VMA22: variants seen among roughly 807,000 people sequenced by gnomAD.
VMA22 encodes the protein vacuolar ATPase assembly factor VMA22, also known as vacuolar ATPase assembly protein VMA22.
At chr2:130,341,231 T>C in the VMA22 span, 3 of 646,334 alleles carry the variant, frequency 4.6e-6, no homozygotes, top group Non-Finnish European at 7.8e-6. Context: ...ATGAGACTGT[T>C]TGTCCACTCT....
At chr2:130,339,966 C>T in the VMA22 span, 1 of 594,514 alleles carries the variant, frequency 1.7e-6, no homozygotes, top group Non-Finnish European at 2.5e-6. Context: ...CTCTCCCAAA[C>T]TCCAGATACA....
chr2:130,341,882 C>G, the VMA22 span: 1 of 1,582,976 alleles, frequency 6.3e-7, no homozygotes, highest in South Asian at 1.1e-5. Flanking sequence ...GGGAAGCATA[C>G]TGCAGGGGCC....
At chr2:130,341,013 T>TA in the VMA22 span, 1 of 1,612,142 alleles carries the variant, frequency 6.2e-7, no homozygotes, top group Non-Finnish European at 8.5e-7. Context: ...TCTGGGGTCT[T>TA]AGTGGGGCCC....
chr2:130,341,675 C>T, the VMA22 span: 5 of 1,611,084 alleles, frequency 3.1e-6, no homozygotes, highest in Non-Finnish European at 4.2e-6. Context: ...ACCTGCTTCG[C>T]GAGGCCCCAC....
the VMA22 span, chr2:130,341,744 G>T: frequency 1.2e-6 from 2 of 1,611,346 alleles, no homozygotes; most frequent in Non-Finnish European, 1.7e-6. Context: ...TCCCTCCTGG[G>T]CCTCGCTGAA....
the VMA22 span, chr2:130,339,004 G>A: frequency 1.4e-6 from 1 of 707,462 alleles, no homozygotes; most frequent in Non-Finnish European, 2.4e-6. Flanking sequence ...GACACAGAAG[G>A]GGCATTAGCT....
chr2:130,341,110 A>G, the VMA22 span: 1 of 1,469,618 alleles, frequency 6.8e-7, no homozygotes, highest in Non-Finnish European at 9.0e-7. Flanking sequence ...GACAATGTTG[A>G]GCTTGATCTG....
chr2:130,339,259 T>C, the VMA22 span: 2 of 1,596,262 alleles, frequency 1.3e-6, no homozygotes, highest in Non-Finnish European at 1.7e-6. Context: ...AAGGTCACCA[T>C]GGTATCTGTA....
chr2:130,338,299 T>G, the VMA22 span: 77 of 152,354 alleles, frequency 5.1e-4, no homozygotes, highest in African/African-American at 1.8e-3. Context: ...TCAACTGTTC[T>G]GTGCAGTTTG....
At chr2:130,340,529 C>T in the VMA22 span, 4,067 of 283,160 alleles carry the variant, frequency 0.014, 44 homozygotes, top group Middle Eastern at 0.027. Context: ...AAAGCTTTTC[C>T]TTCACCTCCT....
chr2:130,339,948 G>A, the VMA22 span: 1 of 738,710 alleles, frequency 1.4e-6, no homozygotes, highest in Non-Finnish European at 1.9e-6. Flanking sequence ...TCTCTCTCCA[G>A]CCCAGGCCTC....
chr2:130,338,530 T>C, the VMA22 span: 1 of 152,220 alleles, frequency 6.6e-6, no homozygotes, highest in African/African-American at 2.4e-5. Flanking sequence ...AGGCTCAGCC[T>C]CTTATGGTAA....
At chr2:130,341,838 C>G in the VMA22 span, 31 of 1,150,976 alleles carry the variant, frequency 2.7e-5, no homozygotes, top group Non-Finnish European at 3.8e-5. Context: ...GAAGCTTCCT[C>G]ACCTGGCGTG....
chr2:130,341,033 C>A, the VMA22 span: 2 of 1,605,274 alleles, frequency 1.2e-6, no homozygotes, highest in East Asian at 4.5e-5. Context: ...CTTGCGCCTC[C>A]GCAGACCTGA....
At chr2:130,338,081 G>A in the VMA22 span, among the ~76,000 whole-genome samples, 6 of 152,204 alleles carry the variant, frequency 3.9e-5, no homozygotes, top group African/African-American at 1.4e-4. Context: ...TGGAAAAGCT[G>A]GACATGACTC....
the VMA22 span, chr2:130,341,787 C>G: frequency 6.3e-7 from 1 of 1,596,206 alleles, no homozygotes; most frequent in Non-Finnish European, 8.5e-7. Flanking sequence ...TTTGGCAGCC[C>G]GGGCCTAGAA....
the VMA22 span, chr2:130,342,069 C>A: frequency 1.2e-6 from 2 of 1,613,918 alleles, no homozygotes; most frequent in South Asian, 2.2e-5. Flanking sequence ...CCTCCAGGTC[C>A]CCAAGCAGCT....
chr2:130,339,567 CCCTCCA>C, the VMA22 span: 1 of 1,285,032 alleles, frequency 7.8e-7, no homozygotes, highest in Non-Finnish European at 1.0e-6. Context: ...CACCTGCTCT[CCCTCCA>C]CTTCTTTTCT....
the VMA22 span, chr2:130,339,073 A>G: frequency 7.0e-7 from 1 of 1,430,948 alleles, no homozygotes; most frequent in Admixed American, 1.7e-5. Flanking sequence ...TCACGTAGCC[A>G]TGTCGGAGAA....
Sources: allele counts gnomAD v4.1 joint callset (sites outside exome capture counted in the v4.1 genomes callset), GRCh38; gene constraint gnomAD v4.1.1; transcripts MANE v1.5; gene names NCBI Gene and HGNC (gene_info 2026-07-23, HGNC 2026-07-21).